C2orf78: variants seen among roughly 807,000 people sequenced by gnomAD.
C2orf78 encodes uncharacterized protein C2orf78.
Under a neutral mutation model 21.4 loss-of-function variants are expected in C2orf78, and 12 were observed. The ratio of observed to expected loss-of-function variants is 0.56; its 90% CI spans 0.36 to 0.91. The LOEUF is 0.91. Ranked by LOEUF, C2orf78 falls within the 40% of genes least tolerant of loss-of-function variation. The pLI is 0.01. For missense variants in C2orf78, 1,042 were observed against 1,092.4 expected (o/e 0.95, Z 0.65); for synonymous variants, 396 against 413.9 (o/e 0.96, Z 0.52).
chr2:73,815,136 CT>C lies in C2orf78; in HGVS notation c.914del (p.Leu305ArgfsTer32). ...GCAATCTCCAAGCCAGACATTTTGT[CT>C]GCCACAAACTCCAGAATTCTCCAAG... On this transcript the variant is annotated frameshift_variant, in exon 3 of 3. Coordinates refer to ENST00000409561, the Ensembl canonical transcript of C2orf78. LOFTEE classifies it low-confidence loss of function (END_TRUNC). The C allele has an allele frequency of 6.2e-7, 1 of 1,613,978 alleles. No individual in the cohort carries two copies.
At chr2:73,812,870 C>T (rs1673115995) in intron 1 of C2orf78, among the ~76,000 whole-genome samples, 3 of 152,108 alleles carry the variant, frequency 2.0e-5, no homozygotes, top group Non-Finnish European at 4.4e-5. Flanking sequence ...TATCATATGA[C>T]CTGCAGAAGC....
chr2:73,814,064 T>C, exon 2 of C2orf78: 1 of 1,613,886 alleles, frequency 6.2e-7, no homozygotes, highest in Non-Finnish European at 8.5e-7. Flanking sequence ...CCTGCAATCT[T>C]ATGGCTCTGT....
chr2:73,816,135 C>T (rs1307634653), exon 3 of C2orf78: 1 of 1,613,900 alleles, frequency 6.2e-7, no homozygotes, highest in Admixed American at 1.7e-5. Context: ...GCAAGTTTTC[C>T]ATGCACTCGG....
Position 73,815,070 on chromosome 2 carries a change from G to C in C2orf78, c.848-1G>C, listed in dbSNP as rs1434801874. 1 of 1,607,216 alleles carries C rather than the reference G, an allele frequency of 6.2e-7. No individual in the cohort carries two copies. Among genetic ancestry groups the C allele is most frequent in the Non-Finnish European group, 8.5e-7 (1 of 1,176,328 alleles). On this transcript the variant is annotated splice_acceptor_variant, in intron 2 of 2. Transcript: ENST00000409561. LOFTEE classifies it high-confidence loss of function. ...TGACTTCTTCCTTGATTCCTTTGTA[G>C]TGATGGAAACTTCCCTGGGGATGGA... is the stretch of plus-strand genomic sequence containing the variant.
At chr2:73,816,696 C>A (rs758357092) in exon 3 of C2orf78, 3 of 1,613,854 alleles carry the variant, frequency 1.9e-6, no homozygotes, top group Non-Finnish European at 2.5e-6. Flanking sequence ...TTCTCTGCAG[C>A]GGGAGCCTGT....
chr2:73,807,951 T>C lies in C2orf78; in HGVS notation c.98-5526T>C, dbSNP rs986715984. 1.5e-4 allele frequency among the ~76,000 whole-genome samples: 23 copies of C among 150,984 alleles called. 1 individual carries two copies. The highest frequency in any genetic ancestry group is 4.6e-4 in the Admixed American group (7 of 15,216). ...AAAGAGGGTTCTTTAATCTCTTCCTTTGGCCCTTAAAATCGGCAGTAGGGC... is the reference window on the plus strand; with the variant it reads ...AAAGAGGGTTCTTTAATCTCTTCCTCTGGCCCTTAAAATCGGCAGTAGGGC... On this transcript the variant is annotated intron_variant, in intron 1 of 2. Coordinates refer to ENST00000409561, the Ensembl canonical transcript of C2orf78.
exon 2 of C2orf78, chr2:73,814,045 A>T (rs753021198): frequency 1.2e-6 from 2 of 1,613,810 alleles, no homozygotes; most frequent in East Asian, 2.2e-5. Flanking sequence ...TGGGGCCTCA[A>T]CTATCCTGCC....
intron 1 of C2orf78, among the ~76,000 whole-genome samples, chr2:73,808,255 C>G (rs1457762478): frequency 6.6e-6 from 1 of 150,874 alleles, no homozygotes; most frequent in African/African-American, 2.5e-5. Flanking sequence ...CTCCATCTCA[C>G]AAAAAATTCA....
At chr2:73,786,532 A>G (rs1231743297) in intron 1 of C2orf78, among the ~76,000 whole-genome samples, 2 of 73,044 alleles carry the variant, frequency 2.7e-5, no homozygotes, top group Non-Finnish European at 5.5e-5. Context: ...TCATTTTATC[A>G]CAGTTACAAG....
intron 2 of C2orf78, 73 bp from the exon 3 acceptor site, chr2:73,814,998 C>T (rs537185326): frequency 2.3e-5 from 33 of 1,432,412 alleles, no homozygotes; most frequent in Admixed American, 1.7e-4. Flanking sequence ...GAAAGGTATC[C>T]GATTGCTGCA....
At chr2:73,792,434 A>C (rs1672944159) in intron 1 of C2orf78, among the ~76,000 whole-genome samples, 1 of 138,946 alleles carries the variant, frequency 7.2e-6, no homozygotes, top group Non-Finnish European at 1.5e-5. Context: ...TGAAGCTAGC[A>C]GAGATCGGCC....
At chr2:73,816,205 A>G (rs1187346764) in exon 3 of C2orf78, 1 of 1,613,880 alleles carries the variant, frequency 6.2e-7, no homozygotes, top group South Asian at 1.1e-5. Flanking sequence ...AGCTCAAGCA[A>G]CACCCAAAAC....
exon 3 of C2orf78, chr2:73,816,134 C>T (rs914882136): frequency 5.6e-6 from 9 of 1,613,812 alleles, no homozygotes; most frequent in Non-Finnish European, 7.6e-6. Context: ...TGCAAGTTTT[C>T]CATGCACTCG....
exon 3 of C2orf78, chr2:73,816,275 G>T: frequency 6.2e-7 from 1 of 1,613,866 alleles, no homozygotes; most frequent in Non-Finnish European, 8.5e-7. Context: ...GTAAAGGCCC[G>T]GAGAAAATTC....
chr2:73,815,324 C>A (rs553074585), exon 3 of C2orf78: 2 of 1,613,774 alleles, frequency 1.2e-6, no homozygotes, highest in Non-Finnish European at 8.5e-7. Flanking sequence ...AGATTAAAAC[C>A]AACCTTTCAA....
chr2:73,813,816 C>G, exon 2 of C2orf78: 2 of 1,614,038 alleles, frequency 1.2e-6, no homozygotes, highest in Non-Finnish European at 1.7e-6. Flanking sequence ...AGGGACTTCA[C>G]TGTGACTGTC....
intron 1 of C2orf78, among the ~76,000 whole-genome samples, chr2:73,807,277 TCCTGTA>T (rs1324934455): frequency 3.6e-5 from 2 of 55,536 alleles, no homozygotes; most frequent in Non-Finnish European, 6.3e-5. Flanking sequence ...ATCTCTTTTT[TCCTGTA>T]CCCTCACCTT....
chr2:73,812,451 T>A (rs1673108522), intron 1 of C2orf78, among the ~76,000 whole-genome samples: 1 of 152,196 alleles, frequency 6.6e-6, no homozygotes, highest in South Asian at 2.1e-4. Flanking sequence ...TTTTACAACT[T>A]CTTTATAGAC....
At chr2:73,815,888 C>G (rs1447450264) in exon 3 of C2orf78, 1 of 1,613,568 alleles carries the variant, frequency 6.2e-7, no homozygotes, top group East Asian at 2.2e-5. Context: ...ACAAACCTCA[C>G]AAGGCTGCAT....
Sources: allele counts gnomAD v4.1 joint callset (sites outside exome capture counted in the v4.1 genomes callset), GRCh38; gene constraint gnomAD v4.1.1; transcripts MANE v1.5; gene names NCBI Gene and HGNC (gene_info 2026-07-23, HGNC 2026-07-21).